Variants in APBA2 observed in about 807,000 individuals in gnomAD.
APBA2 encodes amyloid beta precursor protein binding family A member 2.
Under a neutral mutation model 75.0 loss-of-function variants are expected in APBA2, and 30 were observed. That is an observed-to-expected ratio of 0.40 (90% confidence interval 0.30 to 0.54). APBA2 has a LOEUF of 0.54. Ranked by LOEUF, APBA2 falls within the 20% of genes least tolerant of loss-of-function variation. The probability of loss-of-function intolerance (pLI) is 0.49; values close to 1 mark genes in which losing one functional copy is unlikely to be tolerated. For synonymous variants in APBA2, 444 were observed against 409.6 expected (o/e 1.08, Z -1.01); for missense variants, 801 against 1,016.1 (o/e 0.79, Z 2.88).
rs568381409 is a variant in APBA2, at chr15:29,023,840, T to A, written c.-41+28034T>A. Among the ~76,000 whole-genome samples, 3 of 152,176 alleles carry A rather than the reference T, an allele frequency of 2.0e-5. No individual in the cohort carries two copies. In the South Asian group the frequency reaches 6.2e-4, roughly 32 times the overall value. On this transcript the variant is annotated intron_variant, in intron 3 of 14. Coordinates refer to ENST00000683413, the MANE Select transcript of APBA2 (RefSeq NM_001353788.2). The stretch of plus-strand genomic sequence containing the variant: ...AGTATAATAAACACAACATATCCAT[T>A]GCCATATTTGCTTAGATTTGTTGTT...
intron 4 of APBA2, among the ~76,000 whole-genome samples, chr15:29,067,232 T>A (rs542086469): frequency 1.3e-5 from 2 of 152,298 alleles, no homozygotes; most frequent in African/African-American, 4.8e-5. Context: ...TGCATTTCAG[T>A]ATGAGATTTG....
intron 3 of APBA2, 61 bp from the exon 4 acceptor site, chr15:29,053,784 C>T (rs779970116): frequency 1.1e-5 from 12 of 1,076,634 alleles, no homozygotes; most frequent in African/African-American, 7.9e-5. Flanking sequence ...TGAAGTGGCC[C>T]CACACATGGC....
intron 3 of APBA2, among the ~76,000 whole-genome samples, chr15:29,052,271 C>T (rs539227045): frequency 1.4e-4 from 22 of 151,846 alleles, no homozygotes; most frequent in Non-Finnish European, 2.4e-4. Flanking sequence ...CTAGCTAACA[C>T]GGTGAAACCC....
At chr15:29,024,203 CT>C (rs1255539206) in intron 3 of APBA2, among the ~76,000 whole-genome samples, 1 of 152,102 alleles carries the variant, frequency 6.6e-6, no homozygotes, top group African/African-American at 2.4e-5. Context: ...TGTGCCCGGC[CT>C]TTTTTGCTGA....
At chr15:29,079,927 G>C (rs1428483235) in intron 6 of APBA2, among the ~76,000 whole-genome samples, 1 of 152,164 alleles carries the variant, frequency 6.6e-6, no homozygotes. Flanking sequence ...CATGTCGCCT[G>C]GTCAACCACC....
chr15:29,098,878 G>A (rs72716271), intron 9 of APBA2, among the ~76,000 whole-genome samples: 2,002 of 152,262 alleles, frequency 0.013, 33 homozygotes, highest in South Asian at 0.038. Flanking sequence ...GGAGGCAGCA[G>A]CCCCCACTAT....
Position 28,996,491 on chromosome 15 carries a change from C to T in APBA2, c.-41+685C>T, listed in dbSNP as rs1040859837. ...GTAGGAACAGAGCCCTGGTGCCAGCCGAGTGTTCCACACAGGGGAGACTTG... is the reference window on the plus strand; with the variant it reads ...GTAGGAACAGAGCCCTGGTGCCAGCTGAGTGTTCCACACAGGGGAGACTTG... On this transcript the variant is annotated intron_variant, in intron 3 of 14. Transcript: ENST00000683413. Among the ~76,000 whole-genome samples the T allele has an allele frequency of 7.9e-5, 12 of 152,168 alleles. No homozygotes were observed. The East Asian group carries it at 1.7e-3, about 22-fold the overall frequency.
At chr15:28,901,802 G>A (rs920393703) in intron 1 of APBA2, among the ~76,000 whole-genome samples, 1 of 152,096 alleles carries the variant, frequency 6.6e-6, no homozygotes, top group Non-Finnish European at 1.5e-5. Flanking sequence ...GGACGTCTCA[G>A]GAGTGAGCAT....
At chr15:29,067,067 A>G (rs1479041389) in intron 4 of APBA2, among the ~76,000 whole-genome samples, 1 of 151,638 alleles carries the variant, frequency 6.6e-6, no homozygotes, top group Admixed American at 6.6e-5. Flanking sequence ...TGGGGGTTGG[A>G]GGGGGAAGCG....
At chr15:28,887,253 G>A (rs1164383832) in intron 1 of APBA2, among the ~76,000 whole-genome samples, 1 of 152,220 alleles carries the variant, frequency 6.6e-6, no homozygotes, top group Non-Finnish European at 1.5e-5. Context: ...CTTGCGTCTG[G>A]CACTGTTTTT....
chr15:29,045,103 C>CTCTCTCTCTCTCTCTCTCTCTCTT lies in APBA2; in HGVS notation c.-40-8742_-40-8741insTCTCTCTCTCTCTCTCTCTCTCTT, dbSNP rs57446098. Reference sequence around the variant, plus strand: ...TCTCTCTCTCTCTCTCTCTCTCTCTCGTCTCGCACTGTCACCTGGGCTGGA... The same window carrying CTCTCTCTCTCTCTCTCTCTCTCTT: ...TCTCTCTCTCTCTCTCTCTCTCTCTCTCTCTCTCTCTCTCTCTCTCTCTTGTCTCGCACTGTCACCTGGGCTGGA... On this transcript the variant is annotated intron_variant, in intron 3 of 14. Transcript: ENST00000683413. Among the ~76,000 whole-genome samples, 68 of 140,396 alleles carry CTCTCTCTCTCTCTCTCTCTCTCTT rather than the reference C, an allele frequency of 4.8e-4. 3 individuals carry two copies. Among genetic ancestry groups the CTCTCTCTCTCTCTCTCTCTCTCTT allele is most frequent in the African/African-American group, 1.6e-3 (57 of 36,522 alleles). The allele number at this position is 140,396 out of a possible 152,430, so 92.1% of individuals were successfully genotyped here.
At chr15:28,979,962 G>A (rs989057468) in intron 2 of APBA2, among the ~76,000 whole-genome samples, 1 of 152,236 alleles carries the variant, frequency 6.6e-6, no homozygotes, top group Non-Finnish European at 1.5e-5. Context: ...TATGTGGCTA[G>A]TTAAAAGAAA....
intron 3 of APBA2, among the ~76,000 whole-genome samples, chr15:29,051,451 G>A (rs1055513427): frequency 7.9e-5 from 12 of 152,176 alleles, no homozygotes; most frequent in African/African-American, 2.9e-4. Flanking sequence ...ACACGGCCAT[G>A]GACAAGCCTG....
intron 3 of APBA2, among the ~76,000 whole-genome samples, chr15:29,004,574 T>C (rs2039015229): frequency 6.6e-6 from 1 of 152,150 alleles, no homozygotes; most frequent in African/African-American, 2.4e-5. Flanking sequence ...TGTTCTTTAT[T>C]AGCCTTCTTG....
At chr15:28,955,057 G>A (rs747806528) in intron 2 of APBA2, among the ~76,000 whole-genome samples, 26 of 152,248 alleles carry the variant, frequency 1.7e-4, no homozygotes, top group Admixed American at 6.5e-4. Context: ...TGGCCTTTCC[G>A]ACGCTGTGCG....
intron 9 of APBA2, among the ~76,000 whole-genome samples, chr15:29,101,295 T>G (rs1045547403): frequency 6.6e-6 from 1 of 151,480 alleles, no homozygotes; most frequent in Non-Finnish European, 1.5e-5. Context: ...AGTGGCGCAA[T>G]CTCGGCTCGA....
At chr15:29,084,043 TG>T (rs2043189368) in intron 6 of APBA2, among the ~76,000 whole-genome samples, 1 of 152,252 alleles carries the variant, frequency 6.6e-6, no homozygotes, top group African/African-American at 2.4e-5. Flanking sequence ...TCCCTTTTAT[TG>T]TTTTTGTAAA....
intron 1 of APBA2, among the ~76,000 whole-genome samples, chr15:28,893,245 TGGA>T (rs953930593): frequency 1.6e-4 from 25 of 152,312 alleles, no homozygotes; most frequent in African/African-American, 5.0e-4. Context: ...TTACTATGGA[TGGA>T]GGAGATGAGA....
At chr15:28,997,211 A>G (rs939311045) in intron 3 of APBA2, among the ~76,000 whole-genome samples, 9 of 152,110 alleles carry the variant, frequency 5.9e-5, no homozygotes, top group Admixed American at 6.6e-5. Context: ...CCGTGGAGGG[A>G]GCACATTCAC....
Sources: gnomAD v4.1 joint callset for allele counts (sites outside exome capture counted in the v4.1 genomes callset) on GRCh38, gnomAD v4.1.1 for gene constraint, MANE v1.5 for transcripts, NCBI Gene and HGNC (gene_info 2026-07-23, HGNC 2026-07-21) for gene names.